The following TRABD2B variants were observed in gnomAD, a reference collection of about 807,000 sequenced individuals.
TRABD2B encodes metalloprotease TIKI2.
In TRABD2B, 14 loss-of-function variants were observed where a neutral mutation model predicts 40.1. That is an observed-to-expected ratio of 0.35 (90% CI 0.23 to 0.55). The LOEUF (loss-of-function observed/expected upper bound fraction) is 0.55, where lower values mean the gene tolerates loss of function less well. Among genes scored for constraint, TRABD2B ranks in the 20% least tolerant of loss-of-function variants. The pLI is 0.90. For synonymous variants in TRABD2B, 263 were observed against 277.0 expected, an observed-to-expected ratio of 0.95 and a Z score of 0.50; for missense variants, 541 against 648.6, an observed-to-expected ratio of 0.83 and a Z score of 1.80.
At chr1:47,970,311 C>T (rs1466265080) in intron 2 of TRABD2B, among the ~76,000 whole-genome samples, 1 of 151,928 alleles carries the variant, frequency 6.6e-6, no homozygotes, top group African/African-American at 2.4e-5. Flanking sequence ...GTTCCCTCTC[C>T]ATTTTAACCA....
intron 2 of TRABD2B, among the ~76,000 whole-genome samples, chr1:47,866,256 G>A (rs1644056031): frequency 6.6e-6 from 1 of 151,970 alleles, no homozygotes; most frequent in Admixed American, 6.6e-5. Context: ...CTGTCCCTTG[G>A]AAGTCATAGT....
chr1:47,902,560 G>A (rs1261554882), intron 2 of TRABD2B, among the ~76,000 whole-genome samples: 3 of 152,330 alleles, frequency 2.0e-5, no homozygotes, highest in East Asian at 3.9e-4. Flanking sequence ...GCAGTGGCAC[G>A]ATCATAGCTC....
At chr1:47,854,760 C>A (rs998205403) in intron 2 of TRABD2B, among the ~76,000 whole-genome samples, 1 of 152,200 alleles carries the variant, frequency 6.6e-6, no homozygotes, top group Non-Finnish European at 1.5e-5. Flanking sequence ...CAAGGTCAGG[C>A]TCTGCCCCTG....
At chr1:47,864,846 T>C (rs1317637025) in intron 2 of TRABD2B, among the ~76,000 whole-genome samples, 1 of 152,090 alleles carries the variant, frequency 6.6e-6, no homozygotes, top group African/African-American at 2.4e-5. Flanking sequence ...GTGCGTTGGG[T>C]GGACGATCAG....
At chr1:47,782,618 C>G (rs1253411711) in intron 4 of TRABD2B, among the ~76,000 whole-genome samples, 2 of 152,206 alleles carry the variant, frequency 1.3e-5, no homozygotes, top group Non-Finnish European at 2.9e-5. Flanking sequence ...GACCTGAGCT[C>G]ATGGATCTCC....
At chr1:47,906,823 A>G (rs560340643) in intron 2 of TRABD2B, among the ~76,000 whole-genome samples, 1 of 152,336 alleles carries the variant, frequency 6.6e-6, no homozygotes, top group South Asian at 2.1e-4. Context: ...CAAAGAAAAC[A>G]CAAGTCCTTT....
intron 2 of TRABD2B, among the ~76,000 whole-genome samples, chr1:47,885,393 C>A (rs1644357465): frequency 6.6e-6 from 1 of 152,188 alleles, no homozygotes; most frequent in Admixed American, 6.5e-5. Context: ...GCAGCACCCC[C>A]TTTCAGGCTG....
intron 2 of TRABD2B, among the ~76,000 whole-genome samples, chr1:47,808,236 G>C (rs1472373947): frequency 6.6e-6 from 1 of 152,132 alleles, no homozygotes; most frequent in Non-Finnish European, 1.5e-5. Flanking sequence ...TGGATTTCCA[G>C]CCCGCTGGCC....
chr1:47,971,359 C>G (rs1474531750), intron 2 of TRABD2B, among the ~76,000 whole-genome samples: 2 of 152,196 alleles, frequency 1.3e-5, no homozygotes, highest in Non-Finnish European at 2.9e-5. Context: ...CATGAGAAAC[C>G]TTGCAATAAA....
At chr1:47,925,122 T>C (rs568491073) in intron 2 of TRABD2B, among the ~76,000 whole-genome samples, 1 of 152,318 alleles carries the variant, frequency 6.6e-6, no homozygotes, top group East Asian at 1.9e-4. Flanking sequence ...CCTCCTAAGG[T>C]AGGATAGAAA....
intron 2 of TRABD2B, among the ~76,000 whole-genome samples, chr1:47,821,071 C>T (rs1336002130): frequency 6.6e-6 from 1 of 152,168 alleles, no homozygotes; most frequent in African/African-American, 2.4e-5. Context: ...TGCTGTCTTG[C>T]AGACCGCTCC....
chr1:47,774,766 G>A (rs905577264), intron 6 of TRABD2B, among the ~76,000 whole-genome samples: 6 of 152,142 alleles, frequency 3.9e-5, no homozygotes, highest in Admixed American at 2.0e-4. Context: ...CCAGGGTGTC[G>A]GCTACTCACA....
At chr1:47,782,197 T>C (rs1203976977) in intron 4 of TRABD2B, among the ~76,000 whole-genome samples, 1 of 152,104 alleles carries the variant, frequency 6.6e-6, no homozygotes, top group Non-Finnish European at 1.5e-5. Flanking sequence ...TGCAACAATG[T>C]CTTGCGTCTC....
At chr1:47,897,486 CG>C (rs1644539646) in intron 2 of TRABD2B, among the ~76,000 whole-genome samples, 1 of 152,062 alleles carries the variant, frequency 6.6e-6, no homozygotes, top group Admixed American at 6.6e-5. Context: ...CTCTTCCACA[CG>C]GGGAGGACCC....
In TRABD2B at chr1:47,765,940, C is replaced by A. The variant is rs1330856468; in HGVS notation, c.1516G>T (p.Ala506Ser). The A allele has an allele frequency of 1.4e-6, 1 of 702,944 alleles. No homozygotes were observed. The highest frequency in any genetic ancestry group is 2.0e-5 in the Admixed American group (1 of 50,010). 43.5% of individuals were successfully genotyped at this position (702,944 alleles called of 1,614,324 possible). A position where few individuals can be genotyped will look rare whatever the true frequency, so the allele number is the denominator to read the frequency against. The change falls in exon 7 of 7, where the codon GCT (alanine) becomes TCT (serine). Residue 506 changes from alanine (A) to serine (S), a missense_variant. Transcript: ENST00000606738. ...AGGCTATGCAGCAGGAAGCAGACAG[C>A]GATGGTGGTGGCGATGGCGGGGAGA... is the stretch of plus-strand genomic sequence containing the variant. ...GLLPAIATTI[A>S]VCFLLHSLGP...
chr1:47,809,725 C>G (rs1469736610), intron 2 of TRABD2B, among the ~76,000 whole-genome samples: 1 of 152,338 alleles, frequency 6.6e-6, no homozygotes, highest in East Asian at 1.9e-4. Context: ...GCACTGAATC[C>G]TGTCTCCGGA....
chr1:47,974,601 G>A (rs964228806), intron 2 of TRABD2B, among the ~76,000 whole-genome samples: 2 of 152,164 alleles, frequency 1.3e-5, no homozygotes, highest in African/African-American at 4.8e-5. Context: ...AATCTTTTAT[G>A]TTTTGTTCAC....
At chr1:47,975,345 A>G (rs565011731) in intron 2 of TRABD2B, among the ~76,000 whole-genome samples, 2 of 152,334 alleles carry the variant, frequency 1.3e-5, no homozygotes, top group African/African-American at 4.8e-5. Flanking sequence ...ATGTGCAGTA[A>G]TAAATGCTGC....
chr1:47,827,177 C>G (rs1434281955), intron 2 of TRABD2B, among the ~76,000 whole-genome samples: 1 of 152,224 alleles, frequency 6.6e-6, no homozygotes, highest in East Asian at 1.9e-4. Flanking sequence ...CCAGCAAGCT[C>G]CCCAAACTCA....
Sources: gnomAD v4.1 joint callset for allele counts (sites outside exome capture counted in the v4.1 genomes callset) on GRCh38, gnomAD v4.1.1 for gene constraint, MANE v1.5 for transcripts, NCBI Gene and HGNC (gene_info 2026-07-23, HGNC 2026-07-21) for gene names.